Variants in NRXN1 observed in about 807,000 individuals in gnomAD.
NRXN1 encodes the protein neurexin 1.
A neutral mutation model predicts 150.9 loss-of-function variants in NRXN1; 39 were observed. That is an observed-to-expected ratio of 0.26 (90% CI 0.20 to 0.34). The LOEUF is 0.34. Ranked by LOEUF, NRXN1 falls within the 10% of genes least tolerant of loss-of-function variation. The pLI, the probability that NRXN1 is intolerant of heterozygous loss-of-function variation, is 1.00. For missense variants in NRXN1, 1,815 were observed against 1,949.9 expected (o/e 0.93, Z 1.30); for synonymous variants, 924 against 757.0 (o/e 1.22, Z -3.62).
intron 22 of NRXN1, 149 bp from the exon 23 acceptor site, chr2:49,922,400 C>T: frequency 3.7e-6 from 3 of 819,040 alleles, no homozygotes; most frequent in South Asian, 1.6e-5. Context: ...CCCTTTGCCT[C>T]ATGGTTACTA....
chr2:50,795,380 C>T (rs984880645), intron 5 of NRXN1, among the ~76,000 whole-genome samples: 4 of 152,100 alleles, frequency 2.6e-5, no homozygotes, highest in Admixed American at 2.6e-4. Flanking sequence ...TCAGCGGCAT[C>T]AGTTTATTTT....
chr2:51,009,260 T>C (rs2105172475), intron 2 of NRXN1: 1 of 152,058 alleles, frequency 6.6e-6, no homozygotes, highest in South Asian at 2.1e-4. Context: ...GGAGTTTATG[T>C]GTAGTTGGCT....
At chr2:50,259,004 A>C (rs535531728) in intron 17 of NRXN1, among the ~76,000 whole-genome samples, 1 of 151,996 alleles carries the variant, frequency 6.6e-6, no homozygotes. Context: ...TATAGAGCAC[A>C]GGCAAAGCAC....
At position 50,376,251 on chromosome 2, in the gene NRXN1, A is replaced by T. The variant is rs530955182; in HGVS notation, c.3364+89191T>A. Among the ~76,000 whole-genome samples the T allele has an allele frequency of 3.7e-4, 56 of 152,216 alleles. 1 individual carries two copies. Among genetic ancestry groups the T allele is most frequent in the Middle Eastern group, 6.8e-3 (2 of 294 alleles). On this transcript the variant is annotated intron_variant, in intron 17 of 22. Coordinates refer to ENST00000401669, the MANE Select transcript of NRXN1 (RefSeq NM_001330078.2). ...GTATTTCCTACCATGTAAGTCTGAAAGAGAGAAAATCAATTTTTATGAAAA... is the reference window on the plus strand; with the variant it reads ...GTATTTCCTACCATGTAAGTCTGAATGAGAGAAAATCAATTTTTATGAAAA...
chr2:50,472,464 T>C lies in NRXN1; in HGVS notation c.3078A>G (p.Leu1026=). The C allele has an allele frequency of 6.2e-7, 1 of 1,610,424 alleles. No homozygotes were observed. Among genetic ancestry groups the C allele is most frequent in the Non-Finnish European group, 8.5e-7 (1 of 1,177,646 alleles). The change falls in exon 16 of 23, where the codon TTA becomes TTG. Residue 1026 remains leucine (L), a synonymous_variant. Coordinates refer to ENST00000401669, the MANE Select transcript of NRXN1 (RefSeq NM_001330078.2). ...TTTCTTTAGCTACTCCTCCTATATATAAGTCACCTGCAAGAAGATCAAAGT... is the reference window on the plus strand; with the variant it reads ...TTTCTTTAGCTACTCCTCCTATATACAAGTCACCTGCAAGAAGATCAAAGT... ...GARNLDLKSD[L]YIGGVAKETY...
Position 50,241,838 on chromosome 2 carries a change from C to T in NRXN1, c.3365-4868G>A, listed in dbSNP as rs546456203. Among the ~76,000 whole-genome samples the T allele has an allele frequency of 6.6e-5, 10 of 151,850 alleles. No individual in the cohort carries two copies. In the East Asian group the frequency reaches 7.8e-4, roughly 12 times the overall value. On this transcript the variant is annotated intron_variant, in intron 17 of 22. Coordinates refer to ENST00000401669, the MANE Select transcript of NRXN1 (RefSeq NM_001330078.2). ...CCTAAGTGTGCCCACTTCAGCCTCA[C>T]GTCAATTCTGCAAAGGCTAACATAT...
chr2:50,223,406 G>T (rs899972462), intron 18 of NRXN1, among the ~76,000 whole-genome samples: 36 of 151,860 alleles, frequency 2.4e-4, no homozygotes, highest in African/African-American at 8.4e-4. Context: ...AATAACCATC[G>T]GTCTTGATTT....
chr2:50,849,042 G>C (rs1674118880), intron 5 of NRXN1, among the ~76,000 whole-genome samples: 1 of 152,044 alleles, frequency 6.6e-6, no homozygotes. Context: ...GTCTTTTTTT[G>C]TGGTTACAAC....
intron 5 of NRXN1, among the ~76,000 whole-genome samples, chr2:50,714,916 A>G (rs1195202845): frequency 2.0e-5 from 3 of 152,178 alleles, no homozygotes; most frequent in Non-Finnish European, 4.4e-5. Flanking sequence ...AATTCAGTAT[A>G]AAAAGTGTAA....
At chr2:50,123,841 A>T (rs1281355395) in intron 18 of NRXN1, among the ~76,000 whole-genome samples, 1 of 152,166 alleles carries the variant, frequency 6.6e-6, no homozygotes, top group East Asian at 1.9e-4. Flanking sequence ...CTTCAGATGG[A>T]TATTGTGGAA....
chr2:50,411,900 G>A (rs541878423), intron 17 of NRXN1, among the ~76,000 whole-genome samples: 15 of 152,358 alleles, frequency 9.8e-5, no homozygotes, highest in African/African-American at 3.1e-4. Context: ...AAAAGAAAGA[G>A]AGATCAGATT....
chr2:50,154,481 C>T (rs983482067), intron 18 of NRXN1, among the ~76,000 whole-genome samples: 1 of 151,362 alleles, frequency 6.6e-6, no homozygotes, highest in Non-Finnish European at 1.5e-5. Context: ...AATAGAAAAC[C>T]TTAGACAGCT....
intron 17 of NRXN1, among the ~76,000 whole-genome samples, chr2:50,284,527 C>A (rs1180198376): frequency 6.6e-6 from 1 of 152,124 alleles, no homozygotes; most frequent in Non-Finnish European, 1.5e-5. Flanking sequence ...GACATATAAT[C>A]TTCATATGGA....
intron 5 of NRXN1, among the ~76,000 whole-genome samples, chr2:50,744,987 TC>T (rs1236637521): frequency 2.0e-5 from 3 of 152,226 alleles, no homozygotes; most frequent in Non-Finnish European, 4.4e-5. Flanking sequence ...TGCTGCCCTC[TC>T]AGTGAAAAGC....
At chr2:49,962,056 C>T (rs985875490) in intron 21 of NRXN1, among the ~76,000 whole-genome samples, 1 of 151,776 alleles carries the variant, frequency 6.6e-6, no homozygotes, top group Non-Finnish European at 1.5e-5. Flanking sequence ...TAGTGAGACC[C>T]TAACACTAAA....
At chr2:50,095,888 TA>T (rs1700151736) in intron 18 of NRXN1, among the ~76,000 whole-genome samples, 1 of 151,718 alleles carries the variant, frequency 6.6e-6, no homozygotes, top group Non-Finnish European at 1.5e-5. Context: ...CTGCACCCAT[TA>T]ACTCGTCATT....
intron 15 of NRXN1, among the ~76,000 whole-genome samples, chr2:50,477,394 C>T (rs1372565995): frequency 2.6e-5 from 4 of 152,188 alleles, no homozygotes; most frequent in African/African-American, 4.8e-5. Flanking sequence ...TGAGTAGGAA[C>T]ATCCTAGAGG....
chr2:50,136,883 C>T (rs1159020246), intron 18 of NRXN1, among the ~76,000 whole-genome samples: 9 of 151,968 alleles, frequency 5.9e-5, no homozygotes, highest in Middle Eastern at 3.4e-3. Context: ...GAAAAATGAC[C>T]CACTTTAAGT....
chr2:50,851,985 G>A (rs763375819), intron 5 of NRXN1, among the ~76,000 whole-genome samples: 2 of 152,170 alleles, frequency 1.3e-5, no homozygotes, highest in East Asian at 1.9e-4. Context: ...CAAAGGACGC[G>A]AATGTCTTTT....
Sources: gnomAD v4.1 joint callset for allele counts (sites outside exome capture counted in the v4.1 genomes callset) on GRCh38, gnomAD v4.1.1 for gene constraint, MANE v1.5 for transcripts, NCBI Gene and HGNC (gene_info 2026-07-23, HGNC 2026-07-21) for gene names.